Variants in USP25 observed in about 807,000 individuals in gnomAD.
The protein encoded by USP25 is ubiquitin specific peptidase 25, also known as ubiquitin carboxyl-terminal hydrolase 25.
Under a neutral mutation model 158.5 loss-of-function variants are expected in USP25, and 85 were observed. The ratio of observed to expected loss-of-function variants is 0.54; its 90% CI spans 0.45 to 0.64. The LOEUF (loss-of-function observed/expected upper bound fraction) is 0.64. Among genes scored for constraint, USP25 ranks in the 30% least tolerant of loss-of-function variants. USP25 has a pLI of 0.00. For synonymous variants in USP25, 464 were observed against 460.4 expected, an observed-to-expected ratio of 1.01 and a Z score of -0.10; for missense variants, 1,242 against 1,327.3, an observed-to-expected ratio of 0.94 and a Z score of 1.00.
At chr21:15,773,168 G>C (rs1050903403) in intron 3 of USP25, 1 of 152,236 alleles carries the variant, frequency 6.6e-6, no homozygotes, top group African/African-American at 2.4e-5. Flanking sequence ...CCCAGCTGGG[G>C]TACAGGTGTG....
intron 25 of USP25, 121 bp from the exon 26 acceptor site, chr21:15,878,182 T>C (rs1254728224): frequency 2.1e-5 from 28 of 1,334,886 alleles, no homozygotes; most frequent in Non-Finnish European, 2.3e-5. Context: ...ATTTATGTTT[T>C]TGTCTCCCCA....
intron 16 of USP25, 151 bp downstream of exon 16, chr21:15,831,780 TGTC>T (rs2037816935): frequency 5.7e-6 from 4 of 701,238 alleles, no homozygotes; most frequent in African/African-American, 1.8e-5. Context: ...TGAAAAGTAA[TGTC>T]GTCAGGGCTA....
At position 15,816,612 on chromosome 21, in the gene USP25, T is replaced by C. The variant is rs958782432; in HGVS notation, c.932-2086T>C. 3.3e-5 allele frequency among the ~76,000 whole-genome samples: 5 copies of C among 152,188 alleles called. No homozygotes were observed. Among genetic ancestry groups the C allele is most frequent in the Non-Finnish European group, 7.3e-5 (5 of 68,030 alleles). On this transcript the variant is annotated intron_variant, in intron 9 of 25. Transcript: ENST00000400183. The surrounding 1 kb of genome is among the most constrained non-coding windows in gnomAD (Gnocchi z 4.0). ...GGACTTTGTTTAGGCCCATTTCTTC[T>C]TCCTGTCCCATCCCCTAGGCATCTC...
intron 20 of USP25, among the ~76,000 whole-genome samples, chr21:15,856,379 G>C (rs937725138): frequency 1.3e-5 from 2 of 152,104 alleles, no homozygotes; most frequent in Non-Finnish European, 2.9e-5. Flanking sequence ...ATTGTTTCTT[G>C]TATATCCTAG....
intron 5 of USP25, among the ~76,000 whole-genome samples, chr21:15,795,927 C>G (rs998976275): frequency 1.3e-5 from 2 of 151,426 alleles, no homozygotes; most frequent in African/African-American, 4.8e-5. Context: ...TCTCAGTCTT[C>G]TCCACTGTAG....
intron 2 of USP25, 74 bp downstream of exon 2, chr21:15,763,042 ATT>A: frequency 5.8e-6 from 7 of 1,207,042 alleles, no homozygotes; most frequent in Middle Eastern, 2.1e-4. Flanking sequence ...TTGATAGTTG[ATT>A]TTTTTTTTGG....
At chr21:15,869,026 G>A (rs983010947) in intron 22 of USP25, among the ~76,000 whole-genome samples, 82 of 152,254 alleles carry the variant, frequency 5.4e-4, no homozygotes, top group African/African-American at 1.5e-3. Flanking sequence ...ACAGGGAGTT[G>A]TTTGAGGCCA....
At chr21:15,830,735 A>G (rs924845549) in intron 15 of USP25, 134 bp downstream of exon 15, 1 of 642,618 alleles carries the variant, frequency 1.6e-6, no homozygotes, top group South Asian at 2.5e-5. Flanking sequence ...TTGTAAAATA[A>G]TAAGGGCTTG....
chr21:15,803,116 G>A (rs924197107), intron 6 of USP25, among the ~76,000 whole-genome samples: 1 of 151,486 alleles, frequency 6.6e-6, no homozygotes, highest in African/African-American at 2.4e-5. Flanking sequence ...TAAAGGAACT[G>A]GAACCTGTCC....
intron 24 of USP25, among the ~76,000 whole-genome samples, chr21:15,874,791 C>T (rs750213727): frequency 5.3e-5 from 8 of 152,094 alleles, no homozygotes; most frequent in East Asian, 1.9e-4. Flanking sequence ...ATTTAGATTT[C>T]GTCATCACAC....
Position 15,877,812 on chromosome 21 carries a change from C to T in USP25, c.3026C>T (p.Ala1009Val). Residue 1009 changes from alanine (A) to valine (V), a missense_variant, in exon 25 of 26, where the codon GCC becomes GTC. Transcript: ENST00000400183. Reference protein sequence around the residue: ...RECLLKLNEQAAELFESGEDR... With the variant: ...RECLLKLNEQVAELFESGEDR... ...TGCATTAAGAAATTAAATGAGCAAG[C>T]CGCAGAACTCTTCGAATCTGGAGAG... 6.2e-7 allele frequency: 1 copy of T among 1,609,886 alleles called. No homozygotes were observed. Among genetic ancestry groups the T allele is most frequent in the Non-Finnish European group, 8.5e-7 (1 of 1,178,042 alleles).
At position 15,791,652 on chromosome 21, in the gene USP25, T is replaced by G; in HGVS notation, c.543T>G (p.Ser181Arg). The G allele has an allele frequency of 1.2e-6, 2 of 1,608,836 alleles. No individual in the cohort carries two copies. Among genetic ancestry groups the G allele is most frequent in the Non-Finnish European group, 1.7e-6 (2 of 1,177,304 alleles). Residue 181 changes from serine to arginine, a missense_variant, in exon 5 of 26, where the codon AGT becomes AGG. By Grantham distance (110) the Ser-to-Arg change is moderately radical (BLOSUM62 -1). Around this residue, in one of 3 missense-constraint regions of USP25, gnomAD observed 627 missense variants for 701.4 expected, o/e 0.89. Coordinates refer to ENST00000400183, the MANE Select transcript of USP25 (RefSeq NM_001283041.3). Reference protein sequence around the residue: ...LKNVGNTCWFSAVIQSLFNLL... With the variant: ...LKNVGNTCWFRAVIQSLFNLL... ...ATGTTGGCAATACTTGTTGGTTTAG[T>G]GCTGTTATTCAGGTAAGGATTTTTC...
chr21:15,877,199 A>G (rs998210080), intron 24 of USP25: 4 of 152,262 alleles, frequency 2.6e-5, no homozygotes, highest in African/African-American at 4.8e-5. Flanking sequence ...CCCTTCACAG[A>G]AAAAGTTTGC....
chr21:15,745,007 G>C (rs1462412686), intron 1 of USP25: 8 of 152,388 alleles, frequency 5.2e-5, no homozygotes. Flanking sequence ...GACCACTTTA[G>C]GGCCACGGCC....
At chr21:15,744,439 C>A (rs1375398020) in intron 1 of USP25, 2 of 152,000 alleles carry the variant, frequency 1.3e-5, no homozygotes, top group African/African-American at 2.4e-5. Context: ...GATTGTCATG[C>A]CTCAGCATCC....
intron 1 of USP25, among the ~76,000 whole-genome samples, chr21:15,761,325 C>A (rs896160432): frequency 1.3e-5 from 2 of 152,160 alleles, no homozygotes; most frequent in African/African-American, 4.8e-5. Flanking sequence ...GGGCCTCCCC[C>A]CCAGGAATGT....
Position 15,849,786 on chromosome 21 carries a change from A to G in USP25, c.2461A>G (p.Thr821Ala), listed in dbSNP as rs2038798871. The G allele has an allele frequency of 5.9e-6, 9 of 1,535,192 alleles. No homozygotes were observed. The highest frequency in any genetic ancestry group is 7.9e-6 in the Non-Finnish European group (9 of 1,141,046). The change falls in exon 20 of 26, where the codon ACA becomes GCA. Residue 821 changes from threonine (T) to alanine (A), a missense_variant. By Grantham distance (58) the Thr-to-Ala change is moderately conservative. Around this residue, in one of 3 missense-constraint regions of USP25, gnomAD observed 608 missense variants for 605.2 expected, o/e 1.00. Coordinates refer to ENST00000400183, the MANE Select transcript of USP25 (RefSeq NM_001283041.3). Reference protein sequence around the residue: ...EGGYDDEIMMTPNMQGIIMAI... With the variant: ...EGGYDDEIMMAPNMQGIIMAI... ...CTATCTTCTGTGGCAGATCATGATG[A>G]CACCGAACATGCAAGGTATTATCAT...
At position 15,805,134 on chromosome 21, in the gene USP25, T is replaced by C. The variant is rs2036317435; in HGVS notation, c.656T>C (p.Leu219Ser). 1.3e-6 allele frequency: 2 copies of C among 1,590,736 alleles called. No individual in the cohort carries two copies. The highest frequency in any genetic ancestry group is 1.8e-5 in the Admixed American group (1 of 54,068). Residue 219 changes from leucine (L) to serine (S), a missense_variant, in exon 7 of 26, where the codon TTG (leucine) becomes TCG (serine). Physicochemically the swap from Leu to Ser is moderately radical, Grantham distance 145 (BLOSUM62 -2). Around this residue, in one of 3 missense-constraint regions of USP25, gnomAD observed 627 missense variants for 701.4 expected, o/e 0.89. Transcript: ENST00000400183. ...TTCCTTCAATAGGAACATCGGAATT[T>C]GCCTTTTATGCGTGAGCTGAGGTAT... is the stretch of plus-strand genomic sequence containing the variant. ...LPRNQKEHRN[L>S]PFMRELRYLF...
At chr21:15,853,569 T>C (rs1231067021) in intron 20 of USP25, among the ~76,000 whole-genome samples, 1 of 152,224 alleles carries the variant, frequency 6.6e-6, no homozygotes, top group Non-Finnish European at 1.5e-5. Context: ...AGATCTACTC[T>C]TACCCAAAGT....
Sources: allele counts gnomAD v4.1 joint callset (sites outside exome capture counted in the v4.1 genomes callset), GRCh38; gene constraint gnomAD v4.1.1; regional missense constraint gnomAD v4.1.1; non-coding constraint Gnocchi (gnomAD v3.1); transcripts MANE v1.5; gene names NCBI Gene and HGNC (gene_info 2026-07-23, HGNC 2026-07-21).